Variants in CACNA2D1 observed in about 807,000 individuals in gnomAD.
CACNA2D1 encodes voltage-dependent calcium channel subunit alpha-2/delta-1.
Under a neutral mutation model 171.5 loss-of-function variants are expected in CACNA2D1, and 53 were observed. That is an observed-to-expected ratio of 0.31 (90% CI 0.25 to 0.39). The LOEUF (loss-of-function observed/expected upper bound fraction) is 0.39, where lower values mean the gene tolerates loss of function less well. Ranked by LOEUF, CACNA2D1 falls within the 10% of genes least tolerant of loss-of-function variation. CACNA2D1 has a pLI of 1.00. For missense variants in CACNA2D1, 903 were observed against 1,299.8 expected (o/e 0.69, Z 4.69); for synonymous variants, 442 against 443.1 (o/e 1.00, Z 0.03).
At chr7:82,408,532 G>A (rs1827307186) in intron 1 of CACNA2D1, among the ~76,000 whole-genome samples, 2 of 152,086 alleles carry the variant, frequency 1.3e-5, no homozygotes, top group Non-Finnish European at 2.9e-5. Flanking sequence ...AATACCTGGG[G>A]GAAGTTGTAA....
At chr7:82,095,616 C>T (rs773829592) in intron 6 of CACNA2D1, among the ~76,000 whole-genome samples, 5 of 152,092 alleles carry the variant, frequency 3.3e-5, no homozygotes, top group African/African-American at 7.2e-5. Context: ...ATAACAGGCA[C>T]GCCATAAACA....
chr7:82,173,150 G>A (rs1246815519), intron 3 of CACNA2D1, among the ~76,000 whole-genome samples: 2 of 152,026 alleles, frequency 1.3e-5, no homozygotes, highest in African/African-American at 4.8e-5. Flanking sequence ...CATAATCCAT[G>A]TTTAGTAAGT....
chr7:82,296,668 G>A (rs996530284), intron 3 of CACNA2D1, among the ~76,000 whole-genome samples: 2 of 152,020 alleles, frequency 1.3e-5, no homozygotes, highest in Admixed American at 1.3e-4. Flanking sequence ...ACAAAACAGA[G>A]TTAATCATTC....
At chr7:82,354,650 T>C (rs1820220157) in intron 1 of CACNA2D1, among the ~76,000 whole-genome samples, 1 of 151,826 alleles carries the variant, frequency 6.6e-6, no homozygotes, top group Non-Finnish European at 1.5e-5. Context: ...AAAAGAAAAA[T>C]GGGAGGCTTA....
intron 1 of CACNA2D1, among the ~76,000 whole-genome samples, chr7:82,365,679 G>A (rs923372722): frequency 3.3e-5 from 5 of 152,144 alleles, no homozygotes; most frequent in African/African-American, 9.7e-5. Context: ...TTTTAGCTAC[G>A]CTTTTGAGCC....
At chr7:82,297,448 T>C (rs1266117325) in intron 3 of CACNA2D1, among the ~76,000 whole-genome samples, 3 of 152,176 alleles carry the variant, frequency 2.0e-5, no homozygotes, top group African/African-American at 7.2e-5. Flanking sequence ...TTCACATAAT[T>C]AGAAGTGTGT....
chr7:82,320,081 T>A (rs991255744), intron 3 of CACNA2D1, among the ~76,000 whole-genome samples: 33 of 151,918 alleles, frequency 2.2e-4, no homozygotes, highest in African/African-American at 5.6e-4. Context: ...TTTTTTTTTT[T>A]AAATAAATCT....
chr7:82,205,865 T>C (rs981263531), intron 3 of CACNA2D1, among the ~76,000 whole-genome samples: 4 of 152,200 alleles, frequency 2.6e-5, no homozygotes, highest in Non-Finnish European at 5.9e-5. Flanking sequence ...TAAACTGATT[T>C]GCTCCAATTA....
At chr7:82,371,812 G>T (rs190469744) in intron 1 of CACNA2D1, among the ~76,000 whole-genome samples, 3 of 152,058 alleles carry the variant, frequency 2.0e-5, no homozygotes, top group Non-Finnish European at 4.4e-5. Context: ...CTGACCTCAG[G>T]TGATCTGCCT....
Position 81,968,974 on chromosome 7 carries a change from CT to C in CACNA2D1, c.2309-2del. ...GATTCATAGGCACCAGGTCCACTTT[CT>C]AAAAAAAAAATAAATAAATAAAACA... On this transcript the variant is annotated splice_acceptor_variant, in intron 28 of 38. Transcript: ENST00000356860. LOFTEE classifies it high-confidence loss of function. 1.3e-6 allele frequency: 2 copies of C among 1,519,086 alleles called. No homozygotes were observed. The highest frequency in any genetic ancestry group is 1.8e-6 in the Non-Finnish European group (2 of 1,098,832). The allele number at this position is 1,519,086 out of a possible 1,614,324, so 94.1% of individuals were successfully genotyped here.
intron 1 of CACNA2D1, among the ~76,000 whole-genome samples, chr7:82,403,914 A>G (rs750284818): frequency 2.0e-5 from 3 of 152,238 alleles, no homozygotes; most frequent in Non-Finnish European, 2.9e-5. Context: ...AGCTTCCAAT[A>G]TCATCCAAAT....
intron 3 of CACNA2D1, among the ~76,000 whole-genome samples, chr7:82,329,736 G>C (rs956359676): frequency 6.6e-6 from 1 of 152,076 alleles, no homozygotes; most frequent in African/African-American, 2.4e-5. Flanking sequence ...AATCATTGCA[G>C]GGAGCCAGTT....
intron 23 of CACNA2D1, 53 bp downstream of exon 23, chr7:81,983,261 G>T: frequency 1.4e-6 from 2 of 1,454,306 alleles, no homozygotes; most frequent in South Asian, 2.3e-5. Context: ...AATATCAGTG[G>T]AAATGTCAAG....
chr7:81,993,067 G>A (rs373085667), intron 20 of CACNA2D1, among the ~76,000 whole-genome samples: 1 of 151,994 alleles, frequency 6.6e-6, no homozygotes, highest in East Asian at 1.9e-4. Flanking sequence ...CCATAAAAAT[G>A]CAGTATCATA....
At chr7:82,015,204 T>C (rs1384773203) in intron 12 of CACNA2D1, among the ~76,000 whole-genome samples, 1 of 152,208 alleles carries the variant, frequency 6.6e-6, no homozygotes, top group African/African-American at 2.4e-5. Flanking sequence ...TATGTAGTAA[T>C]GAAAAAGTAT....
chr7:82,225,052 T>C (rs1240404646), intron 3 of CACNA2D1, among the ~76,000 whole-genome samples: 1 of 152,238 alleles, frequency 6.6e-6, no homozygotes, highest in African/African-American at 2.4e-5. Context: ...CATTATTTTT[T>C]GTCCAAGTGA....
At chr7:82,069,643 C>A (rs923201470) in intron 7 of CACNA2D1, among the ~76,000 whole-genome samples, 2 of 151,982 alleles carry the variant, frequency 1.3e-5, no homozygotes, top group Admixed American at 6.6e-5. Context: ...GGAAAATATT[C>A]TTGAGAAAGT....
chr7:82,335,408 TA>T (rs760623008), intron 2 of CACNA2D1, among the ~76,000 whole-genome samples, 157 bp from the exon 3 acceptor site: 4 of 152,014 alleles, frequency 2.6e-5, no homozygotes, highest in African/African-American at 4.8e-5. Flanking sequence ...CAGGAAAAAA[TA>T]TGTAAATATA....
chr7:82,136,287 C>T (rs1447431025), intron 5 of CACNA2D1, among the ~76,000 whole-genome samples: 1 of 151,914 alleles, frequency 6.6e-6, no homozygotes, highest in Non-Finnish European at 1.5e-5. Context: ...GCGTGGTGAC[C>T]CTGGTGACAG....
Sources: allele counts gnomAD v4.1 joint callset (sites outside exome capture counted in the v4.1 genomes callset), GRCh38; gene constraint gnomAD v4.1.1; transcripts MANE v1.5; gene names NCBI Gene and HGNC (gene_info 2026-07-23, HGNC 2026-07-21).